Variants in DSE observed in about 807,000 individuals in gnomAD.
DSE encodes the protein dermatan sulfate epimerase, also known as dermatan-sulfate epimerase.
In DSE, 36 loss-of-function variants were observed where a neutral mutation model predicts 84.4. That is an observed-to-expected ratio of 0.43 (90% CI 0.33 to 0.56). DSE has a LOEUF of 0.56. Ranked by LOEUF, DSE falls within the 20% of genes least tolerant of loss-of-function variation. DSE has a pLI of 0.06. For missense variants in DSE, 862 were observed against 1,169.6 expected (o/e 0.74, Z 3.84); for synonymous variants, 410 against 430.1 (o/e 0.95, Z 0.58).
intron 2 of DSE, among the ~76,000 whole-genome samples, chr6:116,417,344 G>A (rs1003348019): frequency 2.0e-5 from 3 of 152,156 alleles, no homozygotes; most frequent in Non-Finnish European, 2.9e-5. Context: ...ACATGGAAAT[G>A]CCTTTTCCCA....
chr6:116,415,819 G>T (rs940030033), intron 2 of DSE, among the ~76,000 whole-genome samples: 6 of 151,930 alleles, frequency 3.9e-5, no homozygotes, highest in East Asian at 1.9e-4. Flanking sequence ...GGTCTCTTTT[G>T]TCCTATTATG....
At chr6:116,410,750 AAAAAAAAAAAAAAAAAG>A (rs1412787888) in intron 2 of DSE, among the ~76,000 whole-genome samples, 1 of 148,624 alleles carries the variant, frequency 6.7e-6, no homozygotes, top group Non-Finnish European at 1.5e-5. Context: ...AAAAAAAAAA[AAAAAAAAAAAAAAAAAG>A]AAGAAGAAGA....
chr6:116,293,865 A>T (rs1392687281), intron 2 of DSE, among the ~76,000 whole-genome samples: 1 of 151,948 alleles, frequency 6.6e-6, no homozygotes, highest in Non-Finnish European at 1.5e-5. Flanking sequence ...TGGGTGACAG[A>T]ATGAGACGTT....
chr6:116,292,685 A>G (rs1219719423), intron 2 of DSE, among the ~76,000 whole-genome samples: 1 of 152,148 alleles, frequency 6.6e-6, no homozygotes, highest in Non-Finnish European at 1.5e-5. Flanking sequence ...AAAAAAAGAA[A>G]ACAAACTGAA....
At chr6:116,407,739 G>C (rs1380685944) in intron 2 of DSE, among the ~76,000 whole-genome samples, 1 of 152,150 alleles carries the variant, frequency 6.6e-6, no homozygotes, top group Non-Finnish European at 1.5e-5. Flanking sequence ...ATGTAAGTGA[G>C]CTCTTCAGGA....
chr6:116,401,287 T>G (rs1781576260), intron 2 of DSE: 1 of 152,114 alleles, frequency 6.6e-6, no homozygotes, highest in Non-Finnish European at 1.5e-5. Flanking sequence ...ATTATAATTT[T>G]TACATAGTTT....
chr6:116,254,624 T>C lies in DSE; in HGVS notation c.-576+329T>C, dbSNP rs918712098. Among the ~76,000 whole-genome samples, 5 of 152,244 alleles carry C rather than the reference T, an allele frequency of 3.3e-5. No homozygotes were observed. The South Asian group carries it at 8.3e-4, about 25-fold the overall frequency. On this transcript the variant is annotated intron_variant, in intron 1 of 3. Coordinates refer to the DSE transcript ENST00000430252. ...AGACATAATAAAGGAATATTTCAAT[T>C]TGTCTTACAGATTTTAAAGTTTATA...
intron 1 of DSE, among the ~76,000 whole-genome samples, chr6:116,379,468 T>C (rs929011287): frequency 6.6e-6 from 1 of 152,176 alleles, no homozygotes; most frequent in Non-Finnish European, 1.5e-5. Context: ...GTTCTCTTCC[T>C]CCTCTATCTT....
At position 116,324,214 on chromosome 6, in the gene DSE, G is replaced by T. The variant is rs1181836688; in HGVS notation, c.-54+65247G>T. Among the ~76,000 whole-genome samples the T allele has an allele frequency of 3.3e-5, 5 of 152,144 alleles. No homozygotes were observed. The South Asian group carries it at 8.3e-4, about 25-fold the overall frequency. On this transcript the variant is annotated intron_variant, in intron 2 of 3. Coordinates refer to the DSE transcript ENST00000430252. Reference sequence around the variant, plus strand: ...TGCTAATTTCACCATCATTTTATTAGACTTCACTTATATCTTACTTCATCA... The same window carrying T: ...TGCTAATTTCACCATCATTTTATTATACTTCACTTATATCTTACTTCATCA...
Position 116,435,573 on chromosome 6 carries a change from A to G in DSE, c.1119-14A>G. 6.5e-7 allele frequency: 1 copy of G among 1,547,636 alleles called. No homozygotes were observed. Among genetic ancestry groups the G allele is most frequent in the Non-Finnish European group, 8.7e-7 (1 of 1,150,886 alleles). On this transcript the variant is annotated splice_polypyrimidine_tract_variant and intron_variant, in intron 5 of 5. Transcript: ENST00000644252. ...CCATCAGAAAACCATTTAATTTTTC[A>G]AAATTAATTTCAGGTATGATGGCAG...
intron 3 of DSE, 99 bp from the exon 4 acceptor site, chr6:116,430,855 T>C (rs1472233854): frequency 6.0e-6 from 9 of 1,502,016 alleles, no homozygotes; most frequent in African/African-American, 1.4e-5. Flanking sequence ...ATTTGTAATA[T>C]AAACTAGTTA....
At chr6:116,343,401 G>A (rs1326465212) in intron 2 of DSE, among the ~76,000 whole-genome samples, 2 of 152,192 alleles carry the variant, frequency 1.3e-5, no homozygotes. Flanking sequence ...TCACAGTAGT[G>A]GCTGACTGAC....
chr6:116,336,144 C>T (rs1199772303), intron 2 of DSE, among the ~76,000 whole-genome samples: 2 of 152,308 alleles, frequency 1.3e-5, no homozygotes, highest in East Asian at 1.9e-4. Flanking sequence ...ATTTTGACTA[C>T]ATTTAATGTA....
intron 2 of DSE, among the ~76,000 whole-genome samples, chr6:116,285,964 A>G (rs1264783219): frequency 6.6e-6 from 1 of 152,182 alleles, no homozygotes; most frequent in Non-Finnish European, 1.5e-5. Context: ...TGATGCCTCC[A>G]GCTTTGTTCT....
intron 2 of DSE, among the ~76,000 whole-genome samples, chr6:116,281,123 T>C (rs1263317578): frequency 6.6e-6 from 1 of 151,870 alleles, no homozygotes; most frequent in Admixed American, 6.6e-5. Context: ...TCAGAGAAGA[T>C]AAGAGGACGA....
In DSE at chr6:116,362,714, A is replaced by C. The variant is rs140962012; in HGVS notation, c.-53-36484A>C. ...GCTGACTAATGAATCAGTGATGCTA[A>C]TAGCAGTGGTCCATGGACCATATTT... is the stretch of plus-strand genomic sequence containing the variant. On this transcript the variant is annotated intron_variant, in intron 2 of 3. Transcript: ENST00000430252. 1.5e-4 allele frequency among the ~76,000 whole-genome samples: 23 copies of C among 152,326 alleles called. No homozygotes were observed. The East Asian group carries it at 4.4e-3, about 29-fold the overall frequency.
At position 116,332,990 on chromosome 6, in the gene DSE, T is replaced by C. The variant is rs188393634; in HGVS notation, c.-53-66208T>C. 2.1e-4 allele frequency among the ~76,000 whole-genome samples: 32 copies of C among 152,336 alleles called. No homozygotes were observed. The East Asian group carries it at 3.1e-3, about 15-fold the overall frequency. On this transcript the variant is annotated intron_variant, in intron 2 of 3. Coordinates refer to the DSE transcript ENST00000430252. ...CACAGTTATATACCATCAGACTTCCTTTAGAATAGCTAAACTTAAGAATCC... is the reference window on the plus strand; with the variant it reads ...CACAGTTATATACCATCAGACTTCCCTTAGAATAGCTAAACTTAAGAATCC...
chr6:116,338,623 A>G (rs919594051), intron 2 of DSE, among the ~76,000 whole-genome samples: 11 of 152,182 alleles, frequency 7.2e-5, no homozygotes, highest in Non-Finnish European at 1.5e-4. Flanking sequence ...CCTTTGGCTT[A>G]GGCGCAGAGA....
chr6:116,424,332 G>A (rs1783290274), intron 2 of DSE, among the ~76,000 whole-genome samples: 1 of 152,230 alleles, frequency 6.6e-6, no homozygotes, highest in Non-Finnish European at 1.5e-5. Context: ...ACACTGGCAA[G>A]CTGACTGGCT....
Sources: gnomAD v4.1 joint callset for allele counts (sites outside exome capture counted in the v4.1 genomes callset) on GRCh38, gnomAD v4.1.1 for gene constraint, MANE v1.5 for transcripts, NCBI Gene and HGNC (gene_info 2026-07-23, HGNC 2026-07-21) for gene names.